ACTMAP: variants seen among roughly 807,000 people sequenced by gnomAD.
ACTMAP encodes actin maturation protease, also known as UPF0692 protein C19orf54.
At chr19:40,748,178 C>T in the ACTMAP span, among the ~76,000 whole-genome samples, 2 of 152,012 alleles carry the variant, frequency 1.3e-5, no homozygotes, top group South Asian at 2.1e-4. Flanking sequence ...TAAATGTGTC[C>T]GGAGGCCAGG....
the ACTMAP span, among the ~76,000 whole-genome samples, chr19:40,748,562 C>T: frequency 6.6e-6 from 1 of 152,124 alleles, no homozygotes; most frequent in Non-Finnish European, 1.5e-5. Flanking sequence ...CTCCTAAGTA[C>T]CACTTCCACA....
chr19:40,749,934 T>C, the ACTMAP span: 16 of 730,052 alleles, frequency 2.2e-5, no homozygotes, highest in South Asian at 4.1e-4. Context: ...GACTGAGCAG[T>C]GGGTGTGAAA....
chr19:40,741,748 TCA>T, the ACTMAP span: 3 of 456,576 alleles, frequency 6.6e-6, no homozygotes, highest in African/African-American at 6.0e-5. Flanking sequence ...TCTCCAGGCC[TCA>T]GTCTTGCCAT....
the ACTMAP span, chr19:40,749,404 A>AC: frequency 0.098 from 111,788 of 1,137,430 alleles, 2,800 homozygotes; most frequent in African/African-American, 0.18. Flanking sequence ...GGACACGGGA[A>AC]CCCCCCCCCC....
chr19:40,744,853 G>A, the ACTMAP span: 2 of 1,096,526 alleles, frequency 1.8e-6, no homozygotes, highest in Non-Finnish European at 2.5e-6. Flanking sequence ...GAGGGCTGGG[G>A]GTGGAAGGCG....
At chr19:40,749,716 G>A in the ACTMAP span, 1 of 1,514,632 alleles carries the variant, frequency 6.6e-7, no homozygotes, top group Non-Finnish European at 8.8e-7. Flanking sequence ...GGGGGTAGAG[G>A]AGGAGATGGA....
At chr19:40,745,374 T>C in the ACTMAP span, among the ~76,000 whole-genome samples, 9 of 152,292 alleles carry the variant, frequency 5.9e-5, no homozygotes, top group Middle Eastern at 3.4e-3. Flanking sequence ...AGCTTCAGTT[T>C]CCTCATCTGG....
chr19:40,742,867 G>A, the ACTMAP span: 8 of 1,221,766 alleles, frequency 6.5e-6, no homozygotes, highest in South Asian at 1.5e-5. Context: ...TCCAGGGTGG[G>A]TGCAGCTGCC....
chr19:40,742,392 T>C, the ACTMAP span: 11 of 1,440,274 alleles, frequency 7.6e-6, no homozygotes, highest in Non-Finnish European at 1.0e-5. Flanking sequence ...ACACTTCAAA[T>C]GGTTACCGAG....
chr19:40,749,788 A>G, the ACTMAP span: 4 of 1,458,164 alleles, frequency 2.7e-6, no homozygotes, highest in African/African-American at 1.4e-5. Context: ...AGGGGAGGAG[A>G]GCATGGAGAA....
chr19:40,744,213 C>T, the ACTMAP span: 2 of 1,545,036 alleles, frequency 1.3e-6, no homozygotes, highest in South Asian at 2.4e-5. Context: ...GGTGAGAGCA[C>T]ACAGAGGGGG....
At chr19:40,743,060 G>A in the ACTMAP span, among the ~76,000 whole-genome samples, 16 of 152,122 alleles carry the variant, frequency 1.1e-4, no homozygotes, top group Non-Finnish European at 1.9e-4. Flanking sequence ...GCTCTTTAGG[G>A]AAGAGGCTCC....
the ACTMAP span, among the ~76,000 whole-genome samples, chr19:40,748,109 G>A: frequency 6.6e-6 from 1 of 152,090 alleles, no homozygotes; most frequent in Non-Finnish European, 1.5e-5. Flanking sequence ...TTCAGTAAAA[G>A]GTGGCTGTAA....
At chr19:40,750,100 T>C in the ACTMAP span, among the ~76,000 whole-genome samples, 1 of 152,072 alleles carries the variant, frequency 6.6e-6, no homozygotes, top group Non-Finnish European at 1.5e-5. Flanking sequence ...GGAGAGTTAG[T>C]AGGAGTTAAC....
chr19:40,748,027 C>T, the ACTMAP span, among the ~76,000 whole-genome samples: 1 of 152,172 alleles, frequency 6.6e-6, no homozygotes, highest in Non-Finnish European at 1.5e-5. Context: ...AAAGTTTCTA[C>T]CTCATGGGGT....
the ACTMAP span, chr19:40,750,029 G>A: frequency 2.3e-6 from 1 of 431,156 alleles, no homozygotes. Context: ...TAACAGGGTG[G>A]GGTCCTTAAA....
chr19:40,744,970 G>T, the ACTMAP span: 1 of 879,106 alleles, frequency 1.1e-6, no homozygotes, highest in Non-Finnish European at 1.8e-6. Flanking sequence ...TGTTTACTAT[G>T]CAGGCACTCA....
At chr19:40,746,214 G>T in the ACTMAP span, among the ~76,000 whole-genome samples, 97,337 of 151,784 alleles carry the variant, frequency 0.64, 31,816 homozygotes, top group Admixed American at 0.7. Flanking sequence ...ATTCCTTTTT[G>T]TTTGTTTGTT....
At chr19:40,746,391 T>C in the ACTMAP span, among the ~76,000 whole-genome samples, 3 of 150,356 alleles carry the variant, frequency 2.0e-5, no homozygotes, top group East Asian at 4.1e-4. Flanking sequence ...GGCTAAGTTT[T>C]TGTTTTTGTT....
Sources: gnomAD v4.1 joint callset for allele counts (sites outside exome capture counted in the v4.1 genomes callset) on GRCh38, gnomAD v4.1.1 for gene constraint, MANE v1.5 for transcripts, NCBI Gene and HGNC (gene_info 2026-07-23, HGNC 2026-07-21) for gene names.